Variants in STXBP5L observed in about 807,000 individuals in gnomAD.
The protein encoded by STXBP5L is syntaxin-binding protein 5-like.
In STXBP5L, 65 loss-of-function variants were observed where a neutral mutation model predicts 144.5. That is an observed-to-expected ratio of 0.45 (90% CI 0.37 to 0.55). The LOEUF (loss-of-function observed/expected upper bound fraction) is 0.55. Ranked by LOEUF, STXBP5L falls within the 20% of genes least tolerant of loss-of-function variation. The pLI, the probability that STXBP5L is intolerant of heterozygous loss-of-function variation, is 0.00. For synonymous variants in STXBP5L, 505 were observed against 469.6 expected (o/e 1.08, Z -0.97); for missense variants, 1,298 against 1,405.5 (o/e 0.92, Z 1.22).
intron 9 of STXBP5L, among the ~76,000 whole-genome samples, chr3:121,192,344 A>G (rs1344284681): frequency 1.3e-5 from 2 of 152,336 alleles, no homozygotes; most frequent in South Asian, 4.1e-4. Flanking sequence ...ATGGAAGAAC[A>G]TTCCATGCTC....
chr3:121,418,185 C>A (rs1223830151), intron 25 of STXBP5L, 152 bp from the exon 26 acceptor site: 1 of 896,760 alleles, frequency 1.1e-6, no homozygotes, highest in East Asian at 2.7e-5. Flanking sequence ...GTGCTAACAT[C>A]TCCAAATACA....
intron 3 of STXBP5L, among the ~76,000 whole-genome samples, chr3:120,990,296 T>G (rs1942713180): frequency 6.6e-6 from 1 of 152,074 alleles, no homozygotes. Context: ...CACTGCTCGA[T>G]GAAATAAAAG....
intron 14 of STXBP5L, among the ~76,000 whole-genome samples, chr3:121,244,318 A>G (rs1259839702): frequency 1.3e-5 from 2 of 152,042 alleles, no homozygotes; most frequent in East Asian, 3.9e-4. Context: ...AGCAGAAGAA[A>G]GAATCAGTGA....
intron 9 of STXBP5L, among the ~76,000 whole-genome samples, chr3:121,204,202 G>A (rs1205631095): frequency 6.6e-6 from 1 of 152,010 alleles, no homozygotes; most frequent in Non-Finnish European, 1.5e-5. Flanking sequence ...TCGCACCACT[G>A]CACTCCAGCC....
chr3:121,105,379 A>T (rs920455731), intron 5 of STXBP5L, among the ~76,000 whole-genome samples: 6 of 133,452 alleles, frequency 4.5e-5, no homozygotes, highest in African/African-American at 1.9e-4. Flanking sequence ...CTGGCAACAG[A>T]GTGAGACTCT....
intron 9 of STXBP5L, among the ~76,000 whole-genome samples, chr3:121,200,717 A>G (rs2048105631): frequency 6.6e-6 from 1 of 152,016 alleles, no homozygotes. Flanking sequence ...TAGCTTATTT[A>G]TTTCTGCCTT....
Position 121,381,469 on chromosome 3 carries a change from T to A in STXBP5L, c.2524T>A (p.Ser842Thr), listed in dbSNP as rs992415008. Residue 842 changes from serine to threonine, a missense_variant, in exon 22 of 27, where the codon TCC becomes ACC. Physicochemically the swap from Ser to Thr is moderately conservative, Grantham distance 58. Transcript: ENST00000471454. ...CAGTCTGGGAATGGTGTTAATCATC[T>A]CCTTAAACCTACCATTAGCAGATGA... Reference protein sequence around the residue: ...GTSLGMVLIISLNLPLADEQR... With the variant: ...GTSLGMVLIITLNLPLADEQR... The A allele has an allele frequency of 6.3e-7, 1 of 1,594,796 alleles. No homozygotes were observed. Among genetic ancestry groups the A allele is most frequent in the Non-Finnish European group, 8.5e-7 (1 of 1,175,014 alleles).
intron 9 of STXBP5L, among the ~76,000 whole-genome samples, chr3:121,169,816 G>A (rs898839664): frequency 2.6e-5 from 4 of 152,122 alleles, no homozygotes; most frequent in East Asian, 1.9e-4. Flanking sequence ...GGATATTCAG[G>A]ACTTGAACTC....
At chr3:121,081,804 G>T (rs535970106) in intron 5 of STXBP5L, among the ~76,000 whole-genome samples, 1 of 152,158 alleles carries the variant, frequency 6.6e-6, no homozygotes, top group Non-Finnish European at 1.5e-5. Flanking sequence ...TCTCAATTAG[G>T]TGTGGAGAGG....
chr3:121,265,998 C>T (rs1177105192), intron 18 of STXBP5L, among the ~76,000 whole-genome samples: 1 of 152,058 alleles, frequency 6.6e-6, no homozygotes, highest in Non-Finnish European at 1.5e-5. Flanking sequence ...AGCCTACCAA[C>T]CAAAAAATGT....
At chr3:120,968,356 C>A (rs1275295088) in intron 3 of STXBP5L, among the ~76,000 whole-genome samples, 1 of 152,056 alleles carries the variant, frequency 6.6e-6, no homozygotes, top group Admixed American at 6.6e-5. Flanking sequence ...CATATAATGA[C>A]CTTCTGTATC....
intron 5 of STXBP5L, among the ~76,000 whole-genome samples, chr3:121,084,573 T>C (rs1294003402): frequency 6.6e-6 from 1 of 152,234 alleles, no homozygotes; most frequent in Non-Finnish European, 1.5e-5. Flanking sequence ...TTCCATGGTG[T>C]ATATGTAACA....
At chr3:121,322,641 T>C (rs1386529542) in intron 20 of STXBP5L, among the ~76,000 whole-genome samples, 1 of 151,700 alleles carries the variant, frequency 6.6e-6, no homozygotes, top group Non-Finnish European at 1.5e-5. Flanking sequence ...TATGTGTATG[T>C]GTCTTTTTGG....
At chr3:121,033,429 G>C (rs1461410464) in intron 3 of STXBP5L, among the ~76,000 whole-genome samples, 1 of 112,878 alleles carries the variant, frequency 8.9e-6, no homozygotes, top group Non-Finnish European at 1.8e-5. Context: ...GGTGGGGTCG[G>C]GGGAGGGGGG....
At chr3:121,292,099 C>A (rs1310625059) in intron 19 of STXBP5L, among the ~76,000 whole-genome samples, 1 of 151,944 alleles carries the variant, frequency 6.6e-6, no homozygotes, top group African/African-American at 2.4e-5. Flanking sequence ...AATAAATAAT[C>A]AGTAAACAGA....
chr3:120,986,747 A>G (rs1315201440), intron 3 of STXBP5L, among the ~76,000 whole-genome samples: 1 of 152,012 alleles, frequency 6.6e-6, no homozygotes, highest in Non-Finnish European at 1.5e-5. Context: ...AATATTGATA[A>G]AGAAATAGCA....
At chr3:121,233,036 C>T (rs1244153737) in intron 11 of STXBP5L, among the ~76,000 whole-genome samples, 2 of 152,114 alleles carry the variant, frequency 1.3e-5, no homozygotes, top group Non-Finnish European at 1.5e-5. Context: ...GTTCAGGTTA[C>T]GTGGCCTTCA....
intron 20 of STXBP5L, among the ~76,000 whole-genome samples, chr3:121,330,138 A>G (rs1297142837): frequency 6.6e-6 from 1 of 152,200 alleles, no homozygotes; most frequent in Non-Finnish European, 1.5e-5. Context: ...TGAAAGCCAC[A>G]GTTTCTATCT....
At chr3:121,094,945 G>A (rs994284505) in intron 5 of STXBP5L, among the ~76,000 whole-genome samples, 40 of 151,964 alleles carry the variant, frequency 2.6e-4, no homozygotes, top group African/African-American at 9.2e-4. Flanking sequence ...GCTTCCTTCA[G>A]GAGCTCTTTT....
Sources: gnomAD v4.1 joint callset for allele counts (sites outside exome capture counted in the v4.1 genomes callset) on GRCh38, gnomAD v4.1.1 for gene constraint, MANE v1.5 for transcripts, NCBI Gene and HGNC (gene_info 2026-07-23, HGNC 2026-07-21) for gene names.